The following PCSK6 variants were observed in gnomAD, a reference collection of about 807,000 sequenced individuals.
PCSK6 encodes the protein proprotein convertase subtilisin/kexin type 6, also known as paired basic amino acid cleaving enzyme 4.
A neutral mutation model predicts 123.3 loss-of-function variants in PCSK6; 85 were observed. That is an observed-to-expected ratio of 0.69 (90% CI 0.58 to 0.83). The LOEUF is 0.83. Ranked by LOEUF, PCSK6 falls within the 40% of genes least tolerant of loss-of-function variation. The probability of loss-of-function intolerance (pLI) is 0.00; values close to 1 mark genes in which losing one functional copy is unlikely to be tolerated. For synonymous variants in PCSK6, 508 were observed against 516.0 expected, an observed-to-expected ratio of 0.98 and a Z score of 0.21; for missense variants, 1,191 against 1,282.3, an observed-to-expected ratio of 0.93 and a Z score of 1.09.
chr15:101,410,708 G>A (rs967923830), intron 6 of PCSK6, among the ~76,000 whole-genome samples: 2 of 152,244 alleles, frequency 1.3e-5, no homozygotes, highest in South Asian at 4.1e-4. Flanking sequence ...TCACCGCGAT[G>A]TCCTAGCATC....
chr15:101,462,604 A>G (rs1185902743), intron 1 of PCSK6, among the ~76,000 whole-genome samples: 1 of 152,196 alleles, frequency 6.6e-6, no homozygotes, highest in African/African-American at 2.4e-5. Flanking sequence ...AAGGGAGACA[A>G]TCTGTATGCA....
chr15:101,409,947 T>G (rs554795729), intron 6 of PCSK6, among the ~76,000 whole-genome samples: 8 of 152,234 alleles, frequency 5.3e-5, no homozygotes, highest in East Asian at 1.9e-4. Context: ...TTGTTTGTTT[T>G]TTTGAGTTTG....
chr15:101,485,439 A>C (rs1222091478), intron 1 of PCSK6, among the ~76,000 whole-genome samples: 1 of 152,180 alleles, frequency 6.6e-6, no homozygotes, highest in African/African-American at 2.4e-5. Context: ...TTAATGTATC[A>C]GTCTCTTCAT....
Position 101,380,333 on chromosome 15 carries a change from G to A in PCSK6, c.1532+1759C>T, listed in dbSNP as rs551425791. 1.4e-3 allele frequency among the ~76,000 whole-genome samples: 218 copies of A among 152,322 alleles called. 1 individual carries two copies. Among genetic ancestry groups the A allele is most frequent in the South Asian group, 4.6e-3 (22 of 4,832 alleles). On this transcript the variant is annotated intron_variant, in intron 11 of 21. Transcript: ENST00000611716. ...TGCTTCATTCAGGAGCCGCCCTGAC[G>A]GGGACACGAGCGGAGGCGCCGGGGC...
intron 16 of PCSK6, 62 bp downstream of exon 16, chr15:101,326,315 G>A: frequency 7.6e-7 from 1 of 1,313,708 alleles, no homozygotes. Flanking sequence ...ACATGGAGGG[G>A]CTAAGGATAC....
chr15:101,320,763 T>C (rs1049956107), intron 18 of PCSK6, among the ~76,000 whole-genome samples: 1 of 152,164 alleles, frequency 6.6e-6, no homozygotes, highest in Non-Finnish European at 1.5e-5. Context: ...TGCTTTAACA[T>C]GACTGCAGTG....
chr15:101,379,981 G>A (rs1346503485), intron 11 of PCSK6, among the ~76,000 whole-genome samples: 1 of 152,170 alleles, frequency 6.6e-6, no homozygotes, highest in Non-Finnish European at 1.5e-5. Context: ...ACGTTACAGA[G>A]TTAAGCAAGT....
intron 1 of PCSK6, among the ~76,000 whole-genome samples, chr15:101,478,062 AGCTCCGT>A (rs1409387351): frequency 6.6e-6 from 1 of 152,134 alleles, no homozygotes; most frequent in Admixed American, 6.5e-5. Context: ...CCCCAAGCCA[AGCTCCGT>A]GGCGGCTCAC....
chr15:101,395,931 C>T (rs537010253), intron 7 of PCSK6, among the ~76,000 whole-genome samples: 3 of 152,268 alleles, frequency 2.0e-5, no homozygotes, highest in Admixed American at 6.5e-5. Flanking sequence ...TGCCAAGTTA[C>T]AGCTTCTACA....
At chr15:101,385,913 T>C (rs1038800288) in intron 9 of PCSK6, among the ~76,000 whole-genome samples, 1 of 152,224 alleles carries the variant, frequency 6.6e-6, no homozygotes, top group African/African-American at 2.4e-5. Context: ...TTTAGTCGGT[T>C]AAATTGATGC....
intron 13 of PCSK6, chr15:101,334,120 T>G (rs1280945871): frequency 6.6e-6 from 1 of 151,880 alleles, no homozygotes; most frequent in African/African-American, 2.4e-5. Context: ...CCACAGCAGC[T>G]CCCCCTCCCT....
intron 13 of PCSK6, among the ~76,000 whole-genome samples, chr15:101,352,953 G>A (rs55776457): frequency 0.21 from 31,700 of 152,014 alleles, 3,742 homozygotes; most frequent in African/African-American, 0.32. Flanking sequence ...CTACTGCAGT[G>A]GTTCCCAACC....
chr15:101,459,421 C>T (rs960344303), intron 1 of PCSK6, among the ~76,000 whole-genome samples: 3 of 152,028 alleles, frequency 2.0e-5, no homozygotes, highest in Non-Finnish European at 4.4e-5. Context: ...CGGCTTGCTC[C>T]GCGTCTCCTC....
intron 13 of PCSK6, among the ~76,000 whole-genome samples, chr15:101,340,227 G>GCA (rs2040570552): frequency 6.6e-6 from 1 of 152,018 alleles, no homozygotes; most frequent in East Asian, 1.9e-4. Flanking sequence ...ACTTACCTGA[G>GCA]CACACACACA....
intron 6 of PCSK6, among the ~76,000 whole-genome samples, chr15:101,406,541 G>C (rs151251042): frequency 6.6e-6 from 1 of 152,176 alleles, no homozygotes; most frequent in African/African-American, 2.4e-5. Context: ...AGCACATTCT[G>C]TTCTATGAGC....
In PCSK6 at chr15:101,322,623, G is replaced by A. The variant is rs374794693; in HGVS notation, c.2378-16C>T. 21 of 1,538,030 alleles carry A rather than the reference G, an allele frequency of 1.4e-5. No individual in the cohort carries two copies. The African/African-American group carries it at 1.8e-4, about 13-fold the overall frequency. On this transcript the variant is annotated splice_polypyrimidine_tract_variant and intron_variant, in intron 17 of 21. Transcript: ENST00000611716. ...TTTTTCTGACCTGGAGAAAAATAGC[G>A]AGATAAGAAAAGAGAAGGGACGACA... is the stretch of plus-strand genomic sequence containing the variant.
intron 17 of PCSK6, among the ~76,000 whole-genome samples, chr15:101,324,048 C>T (rs1405569535): frequency 6.6e-6 from 1 of 152,212 alleles, no homozygotes; most frequent in Non-Finnish European, 1.5e-5. Flanking sequence ...AACTCCTGTC[C>T]AGCCCCCACC....
chr15:101,341,557 C>T (rs536188902), intron 13 of PCSK6, among the ~76,000 whole-genome samples: 12 of 152,246 alleles, frequency 7.9e-5, no homozygotes, highest in East Asian at 3.9e-4. Flanking sequence ...TCCCCATGCC[C>T]GGCCTAAAAA....
At chr15:101,364,376 G>A (rs1397873675) in intron 13 of PCSK6, among the ~76,000 whole-genome samples, 1 of 152,168 alleles carries the variant, frequency 6.6e-6, no homozygotes, top group Non-Finnish European at 1.5e-5. Flanking sequence ...AAAATAAGAT[G>A]TGCTGATTAT....
Sources: gnomAD v4.1 joint callset for allele counts (sites outside exome capture counted in the v4.1 genomes callset) on GRCh38, gnomAD v4.1.1 for gene constraint, MANE v1.5 for transcripts, NCBI Gene and HGNC (gene_info 2026-07-23, HGNC 2026-07-21) for gene names.